Variants in INSC observed in about 807,000 individuals in gnomAD.
INSC encodes INSC spindle orientation adaptor protein, also known as protein inscuteable homolog.
In INSC, 67 loss-of-function variants were observed where a neutral mutation model predicts 58.6. The observed-to-expected ratio is 1.14, with a 90% CI of 0.94 to 1.40. INSC has a LOEUF of 1.40. INSC is among the 40% of genes most tolerant of loss of function. INSC has a pLI of 0.00. For synonymous variants in INSC, 262 were observed against 276.1 expected (o/e 0.95, Z 0.51); for missense variants, 714 against 692.0 (o/e 1.03, Z -0.36).
chr11:15,126,759 C>T (rs184664300), intron 1 of INSC, among the ~76,000 whole-genome samples: 5 of 152,324 alleles, frequency 3.3e-5, no homozygotes, highest in Admixed American at 2.0e-4. Flanking sequence ...CATCTCCTCT[C>T]TCATCTAGCT....
At chr11:15,209,523 G>T (rs1850939025) in intron 7 of INSC, among the ~76,000 whole-genome samples, 2 of 151,944 alleles carry the variant, frequency 1.3e-5, no homozygotes, top group East Asian at 3.9e-4. Context: ...CTCCCTCCTT[G>T]GTGCTCACAC....
intron 1 of INSC, among the ~76,000 whole-genome samples, chr11:15,145,253 A>G (rs902796422): frequency 6.6e-6 from 1 of 152,062 alleles, no homozygotes; most frequent in African/African-American, 2.4e-5. Context: ...AGGAAACCAC[A>G]TTTTCCGTGG....
In INSC at chr11:15,183,202, T is replaced by C. The variant is rs139319645; in HGVS notation, c.579+4755T>C. ...GTCTCTACTAAAAATATAAAAAAAA[T>C]TAGCCAGGCATGGTGGCACATGCTT... is the stretch of plus-strand genomic sequence containing the variant. On this transcript the variant is annotated intron_variant, in intron 5 of 12. Coordinates refer to ENST00000379556, the MANE Select transcript of INSC (RefSeq NM_001042536.3). 9.5e-3 allele frequency among the ~76,000 whole-genome samples: 1,441 copies of C among 151,848 alleles called. 16 individuals are homozygous for C. Among genetic ancestry groups the C allele is most frequent in the African/African-American group, 0.033 (1,376 of 41,418 alleles).
At chr11:15,211,252 G>A (rs147599861) in intron 7 of INSC, among the ~76,000 whole-genome samples, 10 of 152,230 alleles carry the variant, frequency 6.6e-5, no homozygotes, top group Middle Eastern at 3.4e-3. Context: ...TGAGTGTACC[G>A]TCCTCTCTTA....
chr11:15,171,771 G>A (rs572693493), intron 2 of INSC, among the ~76,000 whole-genome samples: 9 of 152,316 alleles, frequency 5.9e-5, no homozygotes, highest in Admixed American at 2.6e-4. Flanking sequence ...CACTCCCCAA[G>A]TGATCCTGGA....
At chr11:15,158,106 T>TGGG (rs1402468501) in intron 2 of INSC, among the ~76,000 whole-genome samples, 1 of 152,100 alleles carries the variant, frequency 6.6e-6, no homozygotes, top group Non-Finnish European at 1.5e-5. Flanking sequence ...GCTTCTGTCT[T>TGGG]TCTTCTCTTT....
intron 12 of INSC, among the ~76,000 whole-genome samples, chr11:15,244,371 CAG>C (rs1440395453): frequency 6.6e-6 from 1 of 152,120 alleles, no homozygotes; most frequent in Non-Finnish European, 1.5e-5. Flanking sequence ...CATTAATGCA[CAG>C]AGACACACGC....
chr11:15,168,987 C>G (rs913959359), intron 2 of INSC, among the ~76,000 whole-genome samples: 1 of 152,146 alleles, frequency 6.6e-6, no homozygotes. Flanking sequence ...TAAGGTCACA[C>G]AGATTATGAG....
chr11:15,144,972 G>T (rs746193306), intron 1 of INSC, among the ~76,000 whole-genome samples: 17 of 152,204 alleles, frequency 1.1e-4, no homozygotes, highest in Non-Finnish European at 2.2e-4. Context: ...AAGGCTGCAG[G>T]ATCCATGGTG....
intron 7 of INSC, among the ~76,000 whole-genome samples, chr11:15,212,629 T>C (rs930143009): frequency 6.6e-6 from 1 of 152,262 alleles, no homozygotes; most frequent in Non-Finnish European, 1.5e-5. Flanking sequence ...ATGTAAATGG[T>C]GTTTTTTAAT....
rs1440066574 is a variant in INSC at position 15,235,592 on chromosome 11, T to A, written c.1171-10T>A. 1.2e-6 allele frequency: 2 copies of A among 1,611,986 alleles called. No individual in the cohort carries two copies. The highest frequency in any genetic ancestry group is 4.5e-5 in the East Asian group (2 of 44,874). On this transcript the variant is annotated splice_polypyrimidine_tract_variant and intron_variant, in intron 9 of 12. Transcript: ENST00000379556. ...CTCATTTTCTGAGGTTTCTAAATTA[T>A]CTTTTCCAGATTGTGACCATCTTGG...
At chr11:15,182,878 A>G (rs748229366) in intron 5 of INSC, among the ~76,000 whole-genome samples, 5 of 146,198 alleles carry the variant, frequency 3.4e-5, no homozygotes, top group Non-Finnish European at 7.4e-5. Context: ...TCCAAAAGGC[A>G]TACTCTTCAT....
the INSC span, among the ~76,000 whole-genome samples, chr11:15,253,320 A>G: frequency 6.6e-6 from 1 of 152,174 alleles, no homozygotes; most frequent in South Asian, 2.1e-4. Context: ...AAGATCAAAG[A>G]ATGAGGGAAT....
chr11:15,241,489 T>G, intron 12 of INSC: 1 of 684,648 alleles, frequency 1.5e-6, no homozygotes, highest in Admixed American at 2.1e-5. Flanking sequence ...TGTGTGACAT[T>G]TGATAAGTCA....
chr11:15,219,693 C>A (rs969637797), intron 7 of INSC, among the ~76,000 whole-genome samples: 4 of 152,208 alleles, frequency 2.6e-5, no homozygotes, highest in Admixed American at 2.0e-4. Flanking sequence ...ACCAGGATAG[C>A]ATCTGCAACC....
intron 2 of INSC, among the ~76,000 whole-genome samples, chr11:15,150,813 C>T (rs150486518): frequency 6.6e-6 from 1 of 152,160 alleles, no homozygotes; most frequent in Admixed American, 6.5e-5. Flanking sequence ...GAACAAAACT[C>T]TACTCTTGGA....
intron 1 of INSC, among the ~76,000 whole-genome samples, chr11:15,118,533 T>C (rs147837965): frequency 9.2e-5 from 14 of 152,346 alleles, no homozygotes; most frequent in East Asian, 1.9e-4. Flanking sequence ...CTTCAAGATA[T>C]ATCCTCCCAG....
chr11:15,158,334 G>T (rs1159096208), intron 2 of INSC, among the ~76,000 whole-genome samples: 2 of 150,470 alleles, frequency 1.3e-5, no homozygotes, highest in Non-Finnish European at 2.9e-5. Flanking sequence ...CTTCAGACCC[G>T]TTCCTGGCCC....
chr11:15,219,505 C>A (rs1273522442), intron 7 of INSC, among the ~76,000 whole-genome samples: 1 of 152,116 alleles, frequency 6.6e-6, no homozygotes, highest in African/African-American at 2.4e-5. Flanking sequence ...GGTTTCAGAG[C>A]AGCAGTCTGG....
Sources: allele counts gnomAD v4.1 joint callset (sites outside exome capture counted in the v4.1 genomes callset), GRCh38; gene constraint gnomAD v4.1.1; transcripts MANE v1.5; gene names NCBI Gene and HGNC (gene_info 2026-07-23, HGNC 2026-07-21).